Variants in ZBTB44 observed in about 807,000 individuals in gnomAD.
The protein encoded by ZBTB44 is zinc finger and BTB domain containing 44, also known as zinc finger and BTB domain-containing protein 44.
In ZBTB44, 15 loss-of-function variants were observed where a neutral mutation model predicts 54.0. That is an observed-to-expected ratio of 0.28 (90% CI 0.19 to 0.43). ZBTB44 has a LOEUF of 0.43. Among genes scored for constraint, ZBTB44 ranks in the 20% least tolerant of loss-of-function variants. The pLI, the probability that ZBTB44 is intolerant of heterozygous loss-of-function variation, is 1.00. For synonymous variants in ZBTB44, 230 were observed against 250.1 expected, an observed-to-expected ratio of 0.92 and a Z score of 0.76; for missense variants, 487 against 707.1, an observed-to-expected ratio of 0.69 and a Z score of 3.53.
chr11:130,233,733 G>T, intron 6 of ZBTB44: 1 of 1,167,764 alleles, frequency 8.6e-7, no homozygotes, highest in Non-Finnish European at 1.1e-6. Context: ...ACTGGTATAT[G>T]TTTTAAGTCA....
intron 1 of ZBTB44, among the ~76,000 whole-genome samples, chr11:130,278,616 T>C (rs919510301): frequency 6.6e-6 from 1 of 152,220 alleles, no homozygotes; most frequent in African/African-American, 2.4e-5. Flanking sequence ...GCTGAAGCTC[T>C]ACTCATTATT....
At chr11:130,312,363 CATT>C (rs964142143) in intron 1 of ZBTB44, among the ~76,000 whole-genome samples, 4 of 152,208 alleles carry the variant, frequency 2.6e-5, no homozygotes, top group Admixed American at 2.0e-4. Flanking sequence ...CATTTAGCAT[CATT>C]AATAGTGTGG....
At chr11:130,276,242 A>AAAAAGAAAG (rs1940079564) in intron 1 of ZBTB44, among the ~76,000 whole-genome samples, 1 of 94,420 alleles carries the variant, frequency 1.1e-5, no homozygotes, top group Non-Finnish European at 2.1e-5. Flanking sequence ...CAAAAAAAAA[A>AAAAAGAAAG]AAAAGAAAAA....
At chr11:130,253,408 A>G (rs1486864835) in intron 2 of ZBTB44, among the ~76,000 whole-genome samples, 2 of 152,240 alleles carry the variant, frequency 1.3e-5, no homozygotes, top group African/African-American at 2.4e-5. Flanking sequence ...AATCACAAGC[A>G]TTCTTATATA....
chr11:130,244,684 A>G (rs1023012640), intron 2 of ZBTB44, among the ~76,000 whole-genome samples: 2 of 78,366 alleles, frequency 2.6e-5, no homozygotes, highest in Non-Finnish European at 8.3e-5. Context: ...AAAAAAAAAA[A>G]AAGAAAGAAA....
intron 1 of ZBTB44, among the ~76,000 whole-genome samples, chr11:130,300,805 G>C (rs1941946724): frequency 6.6e-6 from 1 of 152,126 alleles, no homozygotes; most frequent in Non-Finnish European, 1.5e-5. Context: ...CATAGAAAAA[G>C]AAAGAATATA....
chr11:130,313,907 G>GGTGT lies in ZBTB44; in HGVS notation c.-57+464_-57+467dup, dbSNP rs59629267. Reference sequence around the variant, plus strand: ...GATCCTCAGGAAGGAAAGGAAAAGAGGTGTGTGTGTGTGTGTATGTGTGTG... The same window carrying GGTGT: ...GATCCTCAGGAAGGAAAGGAAAAGAGGTGTGTGTGTGTGTGTGTGTATGTGTGTG... On this transcript the variant is annotated intron_variant, in intron 1 of 7. Transcript: ENST00000357899. Among the ~76,000 whole-genome samples the GGTGT allele has an allele frequency of 9.6e-3, 1,436 of 149,222 alleles. 6 individuals are homozygous for GGTGT. The highest frequency in any genetic ancestry group is 0.017 in the African/African-American group (693 of 40,392).
intron 1 of ZBTB44, among the ~76,000 whole-genome samples, chr11:130,268,222 TAA>T (rs1189306993): frequency 7.8e-5 from 10 of 128,844 alleles, no homozygotes; most frequent in Admixed American, 1.6e-4. Flanking sequence ...ACGTCTAATT[TAA>T]AAAAAAAAAA....
At chr11:130,235,784 T>C (rs1954082233) in intron 5 of ZBTB44, among the ~76,000 whole-genome samples, 2 of 152,228 alleles carry the variant, frequency 1.3e-5, no homozygotes, top group African/African-American at 4.8e-5. Flanking sequence ...GGCGGATCAC[T>C]TGAGGTCAGG....
chr11:130,284,588 G>C (rs1193262761), intron 1 of ZBTB44, among the ~76,000 whole-genome samples: 1 of 152,146 alleles, frequency 6.6e-6, no homozygotes, highest in Non-Finnish European at 1.5e-5. Context: ...AGCACTGTTG[G>C]CCAAGCGTGG....
chr11:130,301,044 GAC>G (rs1288839061), intron 1 of ZBTB44, among the ~76,000 whole-genome samples: 1 of 151,834 alleles, frequency 6.6e-6, no homozygotes, highest in African/African-American at 2.4e-5. Flanking sequence ...TGTTGGAAAA[GAC>G]ACAGAAAAGA....
intron 1 of ZBTB44, chr11:130,297,041 G>C (rs1251193598): frequency 1.5e-6 from 1 of 673,632 alleles, no homozygotes; most frequent in Non-Finnish European, 2.7e-6. Context: ...CCGATAGCAG[G>C]CAGCTCTCTC....
chr11:130,277,061 C>G (rs1940156799), intron 1 of ZBTB44, among the ~76,000 whole-genome samples: 1 of 152,164 alleles, frequency 6.6e-6, no homozygotes, highest in Non-Finnish European at 1.5e-5. Flanking sequence ...AGCTAGCATA[C>G]AGCTGGATAA....
intron 1 of ZBTB44, among the ~76,000 whole-genome samples, chr11:130,271,130 T>G (rs1939636490): frequency 6.6e-6 from 1 of 152,186 alleles, no homozygotes; most frequent in African/African-American, 2.4e-5. Context: ...ATGAATAAAT[T>G]TATGTTATAA....
At chr11:130,307,367 G>A (rs1292510032) in intron 1 of ZBTB44, among the ~76,000 whole-genome samples, 1 of 150,850 alleles carries the variant, frequency 6.6e-6, no homozygotes, top group Non-Finnish European at 1.5e-5. Context: ...GAAGCTTGCA[G>A]TGAGCTGAGA....
chr11:130,266,171 C>T lies in ZBTB44; in HGVS notation c.-56-4242G>A, dbSNP rs573349945. Among the ~76,000 whole-genome samples the T allele has an allele frequency of 1.1e-3, 161 of 152,302 alleles. 1 individual carries two copies. Among genetic ancestry groups the T allele is most frequent in the African/African-American group, 3.8e-3 (160 of 41,564 alleles). On this transcript the variant is annotated intron_variant, in intron 1 of 7. Coordinates refer to ENST00000357899, the MANE Select transcript of ZBTB44 (RefSeq NM_001301098.2). The stretch of plus-strand genomic sequence containing the variant: ...CATTTACCATTCTGAAAATCCTAGA[C>T]CCCTTAACGATTAGGCTCAATCTAT...
At chr11:130,267,424 G>C (rs1939331021) in intron 1 of ZBTB44, among the ~76,000 whole-genome samples, 2 of 151,974 alleles carry the variant, frequency 1.3e-5, no homozygotes, top group Admixed American at 6.5e-5. Flanking sequence ...TTTTGTTTTA[G>C]AGGCAGGGTC....
intron 1 of ZBTB44, among the ~76,000 whole-genome samples, chr11:130,276,426 C>A (rs1422703652): frequency 1.3e-5 from 2 of 149,446 alleles, no homozygotes; most frequent in Non-Finnish European, 3.0e-5. Context: ...ATTTTCTATA[C>A]GTTTCTTTTT....
intron 2 of ZBTB44, among the ~76,000 whole-genome samples, chr11:130,245,238 T>C (rs1369823749): frequency 2.0e-5 from 3 of 152,216 alleles, no homozygotes; most frequent in African/African-American, 7.2e-5. Context: ...ACGGCATTCC[T>C]GCTTTTCCCC....
Sources: allele counts gnomAD v4.1 joint callset (sites outside exome capture counted in the v4.1 genomes callset), GRCh38; gene constraint gnomAD v4.1.1; transcripts MANE v1.5; gene names NCBI Gene and HGNC (gene_info 2026-07-23, HGNC 2026-07-21).